Variants in EPHA6 observed in about 807,000 individuals in gnomAD.
EPHA6 encodes the protein EPH receptor A6, also known as ephrin type-A receptor 6.
A neutral mutation model predicts 112.0 loss-of-function variants in EPHA6; 50 were observed. The ratio of observed to expected loss-of-function variants is 0.45; its 90% CI spans 0.36 to 0.56. The LOEUF (loss-of-function observed/expected upper bound fraction) is 0.56, where lower values mean the gene tolerates loss of function less well. EPHA6 is among the 20% of genes least tolerant of loss of function. The pLI, the probability that EPHA6 is intolerant of heterozygous loss-of-function variation, is 0.00. For synonymous variants in EPHA6, 529 were observed against 490.7 expected (o/e 1.08, Z -1.03); for missense variants, 1,280 against 1,417.4 (o/e 0.90, Z 1.56).
chr3:97,292,579 G>C (rs1257283799), intron 5 of EPHA6, among the ~76,000 whole-genome samples: 1 of 152,216 alleles, frequency 6.6e-6, no homozygotes, highest in Non-Finnish European at 1.5e-5. Context: ...TAGGTGGATA[G>C]CTTCTTTCCA....
chr3:97,105,065 T>C (rs552853232), intron 3 of EPHA6, among the ~76,000 whole-genome samples: 2 of 151,948 alleles, frequency 1.3e-5, no homozygotes, highest in East Asian at 3.9e-4. Flanking sequence ...AGCAGCCTAT[T>C]TATCTTATTC....
chr3:97,723,167 G>C (rs922604160), intron 15 of EPHA6, among the ~76,000 whole-genome samples: 1 of 152,194 alleles, frequency 6.6e-6, no homozygotes, highest in Non-Finnish European at 1.5e-5. Flanking sequence ...CCAAGAATTA[G>C]ATAGGATGTC....
chr3:97,658,591 C>T (rs971353559), intron 14 of EPHA6, among the ~76,000 whole-genome samples: 5 of 151,792 alleles, frequency 3.3e-5, no homozygotes, highest in Admixed American at 6.6e-5. Flanking sequence ...CACTTGGAAA[C>T]GATTAGGTTT....
chr3:97,447,203 G>T (rs557385684), intron 6 of EPHA6, among the ~76,000 whole-genome samples: 1 of 152,224 alleles, frequency 6.6e-6, no homozygotes, highest in South Asian at 2.1e-4. Context: ...TAAGAGAAAT[G>T]ATTTTCATAG....
intron 14 of EPHA6, among the ~76,000 whole-genome samples, chr3:97,687,172 A>G (rs190328423): frequency 4.7e-4 from 71 of 152,272 alleles, no homozygotes; most frequent in Middle Eastern, 3.4e-3. Context: ...CAGTGTCAGA[A>G]GTCTTATTTT....
chr3:97,159,653 T>A (rs1040536372), intron 3 of EPHA6, among the ~76,000 whole-genome samples: 3 of 152,112 alleles, frequency 2.0e-5, no homozygotes, highest in African/African-American at 7.2e-5. Flanking sequence ...GGGTCTTCAA[T>A]ATGCCCTGCC....
Position 97,380,922 on chromosome 3 carries a change from GTTTTA to G in EPHA6, c.1607-24220_1607-24216del, listed in dbSNP as rs544199155. Among the ~76,000 whole-genome samples the G allele has an allele frequency of 7.4e-4, 113 of 152,112 alleles. 1 individual carries two copies. The highest frequency in any genetic ancestry group is 2.6e-3 in the African/African-American group (110 of 41,544). On this transcript the variant is annotated intron_variant, in intron 5 of 17. Transcript: ENST00000389672. The stretch of plus-strand genomic sequence containing the variant: ...AATGTATTAGTTTTATTGTAGCATA[GTTTTA>G]TTTTATTCATGATTGTAAAGGCAAC...
intron 5 of EPHA6, among the ~76,000 whole-genome samples, chr3:97,279,294 G>A (rs2080206797): frequency 6.6e-6 from 1 of 151,978 alleles, no homozygotes. Flanking sequence ...TGTTCTTACT[G>A]TGACTATTAG....
intron 5 of EPHA6, among the ~76,000 whole-genome samples, chr3:97,333,736 C>T (rs1559895017): frequency 6.6e-6 from 1 of 152,042 alleles, no homozygotes; most frequent in Non-Finnish European, 1.5e-5. Context: ...TCCTCAGCCT[C>T]CCAAAGTGGT....
At chr3:97,054,153 A>T (rs571253667) in intron 3 of EPHA6, among the ~76,000 whole-genome samples, 2 of 144,130 alleles carry the variant, frequency 1.4e-5, no homozygotes, top group African/African-American at 5.6e-5. Context: ...AGATTCTGAC[A>T]TAACTATCTA....
chr3:97,055,998 T>C (rs190882611), intron 3 of EPHA6, among the ~76,000 whole-genome samples: 61 of 152,254 alleles, frequency 4.0e-4, no homozygotes, highest in African/African-American at 1.4e-3. Flanking sequence ...TTACATATTC[T>C]ATACTTATGA....
At chr3:97,537,501 G>A (rs2092780774) in intron 11 of EPHA6, among the ~76,000 whole-genome samples, 1 of 152,090 alleles carries the variant, frequency 6.6e-6, no homozygotes, top group Non-Finnish European at 1.5e-5. Flanking sequence ...GGTGTGTGCT[G>A]TTTTCGTTAT....
At chr3:97,225,520 A>G (rs2078329173) in intron 3 of EPHA6, among the ~76,000 whole-genome samples, 1 of 152,178 alleles carries the variant, frequency 6.6e-6, no homozygotes, top group Admixed American at 6.5e-5. Context: ...ACAATATGTT[A>G]ATGATAACCT....
chr3:97,161,246 T>G (rs746600747), intron 3 of EPHA6, among the ~76,000 whole-genome samples: 1 of 152,146 alleles, frequency 6.6e-6, no homozygotes, highest in Non-Finnish European at 1.5e-5. Flanking sequence ...GGCCAAAAGC[T>G]GTTTCTCAAA....
intron 10 of EPHA6, among the ~76,000 whole-genome samples, chr3:97,515,532 A>G (rs1265279573): frequency 6.6e-6 from 1 of 152,206 alleles, no homozygotes. Flanking sequence ...AAGCAGAGCT[A>G]GTTTTGAATT....
At chr3:97,629,652 T>C (rs2093887288) in intron 13 of EPHA6, among the ~76,000 whole-genome samples, 1 of 152,014 alleles carries the variant, frequency 6.6e-6, no homozygotes, top group Admixed American at 6.6e-5. Context: ...AACTCCTCTA[T>C]GGTCACTCCT....
At chr3:97,636,927 G>A (rs934494602) in intron 13 of EPHA6, among the ~76,000 whole-genome samples, 13 of 151,884 alleles carry the variant, frequency 8.6e-5, no homozygotes, top group Non-Finnish European at 1.9e-4. Context: ...CTCCATTAAA[G>A]ACAACAATCT....
intron 6 of EPHA6, among the ~76,000 whole-genome samples, chr3:97,426,055 G>A (rs1343862410): frequency 6.6e-6 from 1 of 152,134 alleles, no homozygotes; most frequent in Non-Finnish European, 1.5e-5. Context: ...AAATCTTCCT[G>A]TCTTCTGAGC....
At chr3:97,302,898 A>T (rs562968639) in intron 5 of EPHA6, among the ~76,000 whole-genome samples, 4,068 of 151,998 alleles carry the variant, frequency 0.027, 183 homozygotes, top group African/African-American at 0.092. Flanking sequence ...TTTTTCTGCT[A>T]TATGACCAAA....
Sources: allele counts gnomAD v4.1 joint callset (sites outside exome capture counted in the v4.1 genomes callset), GRCh38; gene constraint gnomAD v4.1.1; transcripts MANE v1.5; gene names NCBI Gene and HGNC (gene_info 2026-07-23, HGNC 2026-07-21).